Variants in ALG8 observed in about 807,000 individuals in gnomAD.
The protein encoded by ALG8 is ALG8 alpha-1,3-glucosyltransferase, also known as dolichyl pyrophosphate Glc1Man9GlcNAc2 alpha-1,3-glucosyltransferase.
A neutral mutation model predicts 70.2 loss-of-function variants in ALG8; 48 were observed. The ratio of observed to expected loss-of-function variants is 0.68; its 90% CI spans 0.54 to 0.87. The LOEUF (loss-of-function observed/expected upper bound fraction) is 0.87, where lower values mean the gene tolerates loss of function less well. Ranked by LOEUF, ALG8 falls within the 40% of genes least tolerant of loss-of-function variation. The pLI is 0.00. For missense variants in ALG8, 572 were observed against 608.7 expected, an observed-to-expected ratio of 0.94 and a Z score of 0.64; for synonymous variants, 234 against 229.0, an observed-to-expected ratio of 1.02 and a Z score of -0.20.
rs756243372 is a variant in ALG8 at position 78,121,097 on chromosome 11, A to T, written c.446T>A (p.Leu149His). 3 of 1,613,858 alleles carry T rather than the reference A, an allele frequency of 1.9e-6. No individual in the cohort carries two copies. In the Admixed American group the frequency reaches 5.0e-5, roughly 27 times the overall value. The change falls in exon 4 of 13, where the codon CTT (leucine) becomes CAT (histidine). Residue 149 changes from leucine (L) to histidine (H), a missense_variant. Transcript: ENST00000299626. ...EKPKFILSVL[L>H]LWNFGLLIVD... The stretch of plus-strand genomic sequence containing the variant: ...AATTAATAACCCGAAGTTCCACAGA[A>T]GTAATACCGACAGAATAAATTTTGG...
At chr11:78,102,444 T>C (rs1446054112) in intron 12 of ALG8, among the ~76,000 whole-genome samples, 1 of 152,244 alleles carries the variant, frequency 6.6e-6, no homozygotes, top group Non-Finnish European at 1.5e-5. Context: ...CACTTTATCA[T>C]GTATTTGTTG....
chr11:78,125,220 G>A (rs1245611972), intron 2 of ALG8, among the ~76,000 whole-genome samples: 1 of 151,674 alleles, frequency 6.6e-6, no homozygotes, highest in Non-Finnish European at 1.5e-5. Flanking sequence ...TTTTAGTAGA[G>A]ACGGGGTTTC....
chr11:78,130,115 G>T (rs1861238874), intron 1 of ALG8, among the ~76,000 whole-genome samples: 1 of 152,142 alleles, frequency 6.6e-6, no homozygotes, highest in Non-Finnish European at 1.5e-5. Context: ...ACTTCGGGAG[G>T]CCAAGGCGGG....
At position 78,114,090 on chromosome 11, in the gene ALG8, C is replaced by A. The variant is rs1477714487; in HGVS notation, c.674-101G>T. ...ACTAGAAGTATCCCACAATAGTATA[C>A]CAATCTATTCATGATGTGGCAAGAG... On this transcript the variant is annotated intron_variant, in intron 6 of 12. Transcript: ENST00000299626. 8.1e-6 allele frequency: 11 copies of A among 1,351,164 alleles called. No individual in the cohort carries two copies. In the Admixed American group the frequency reaches 1.8e-4, roughly 22 times the overall value. 83.7% of individuals were successfully genotyped at this position (1,351,164 alleles called of 1,614,324 possible).
intron 1 of ALG8, among the ~76,000 whole-genome samples, chr11:78,127,702 TTTTTC>T (rs1196984895): frequency 3.6e-5 from 5 of 139,090 alleles, no homozygotes; most frequent in Admixed American, 2.8e-4. Flanking sequence ...AGACTTTCTC[TTTTTC>T]TTTTCTTTTT....
At chr11:78,113,716 C>CA (rs1299736833) in intron 7 of ALG8, among the ~76,000 whole-genome samples, 170 bp downstream of exon 7, 178 of 11,832 alleles carry the variant, frequency 0.015, 2 homozygotes, top group African/African-American at 0.11. Context: ...CCATCTTAAA[C>CA]AAAAACAAAA....
chr11:78,102,154 C>A lies in ALG8; in HGVS notation c.1350-959G>T, dbSNP rs76684997. Among the ~76,000 whole-genome samples the A allele has an allele frequency of 4.5e-3, 679 of 152,196 alleles. 4 individuals are homozygous for A. The highest frequency in any genetic ancestry group is 0.016 in the African/African-American group (650 of 41,536). On this transcript the variant is annotated intron_variant, in intron 12 of 12. Transcript: ENST00000299626. The stretch of plus-strand genomic sequence containing the variant: ...TGGTATTAAGTAGATCAATAATATG[C>A]GCCCATCGCCACTATCCACCTTCAA...
At chr11:78,136,964 C>T (rs532565500) in intron 1 of ALG8, among the ~76,000 whole-genome samples, 85 of 151,766 alleles carry the variant, frequency 5.6e-4, no homozygotes, top group African/African-American at 1.8e-3. Flanking sequence ...TGCAATAGCG[C>T]GATCTCAGCT....
intron 5 of ALG8, among the ~76,000 whole-genome samples, chr11:78,115,994 A>G (rs1860544830): frequency 6.6e-6 from 1 of 152,244 alleles, no homozygotes; most frequent in Admixed American, 6.5e-5. Context: ...TAGCACTATC[A>G]GGCTGAAGGC....
At chr11:78,135,806 C>T (rs532459805) in intron 1 of ALG8, among the ~76,000 whole-genome samples, 18 of 151,210 alleles carry the variant, frequency 1.2e-4, no homozygotes, top group Non-Finnish European at 2.4e-4. Flanking sequence ...TGAGATTGTG[C>T]CACTACACTC....
At chr11:78,134,131 G>A (rs1214965011) in intron 1 of ALG8, among the ~76,000 whole-genome samples, 1 of 151,424 alleles carries the variant, frequency 6.6e-6, no homozygotes, top group Non-Finnish European at 1.5e-5. Flanking sequence ...GTGACTTGTG[G>A]CAAACTGGTT....
chr11:78,119,103 A>G, intron 5 of ALG8, 79 bp downstream of exon 5: 1 of 1,093,368 alleles, frequency 9.1e-7, no homozygotes, highest in South Asian at 1.3e-5. Context: ...AAATTTACCT[A>G]TCACCCACTA....
intron 5 of ALG8, among the ~76,000 whole-genome samples, chr11:78,118,070 CAAAAAAAAAA>C (rs10710282): frequency 2.9e-4 from 32 of 111,500 alleles, no homozygotes; most frequent in African/African-American, 1.1e-3. Flanking sequence ...GACTCCGTCT[CAAAAAAAAAA>C]AAAAAGAAAA....
chr11:78,104,577 C>A, intron 10 of ALG8, 124 bp from the exon 11 acceptor site: 1 of 874,774 alleles, frequency 1.1e-6, no homozygotes, highest in Non-Finnish European at 1.8e-6. Flanking sequence ...GATTTTGGCA[C>A]AAGTTCAATT....
intron 1 of ALG8, among the ~76,000 whole-genome samples, chr11:78,128,902 C>A (rs944282753): frequency 6.6e-6 from 1 of 151,862 alleles, no homozygotes; most frequent in African/African-American, 2.4e-5. Context: ...GCATGAGCCA[C>A]CATGCCTGGC....
At chr11:78,103,356 C>A (rs1383922291) in intron 12 of ALG8, 1 of 152,252 alleles carries the variant, frequency 6.6e-6, no homozygotes, top group African/African-American at 2.4e-5. Flanking sequence ...CTCAGCTACT[C>A]AGGAGGCTGA....
chr11:78,136,576 T>C (rs1044312133), intron 1 of ALG8, among the ~76,000 whole-genome samples: 3 of 152,194 alleles, frequency 2.0e-5, no homozygotes, highest in African/African-American at 7.2e-5. Context: ...GTCTCAACAG[T>C]GGGCTTATTC....
intron 1 of ALG8, among the ~76,000 whole-genome samples, chr11:78,136,619 T>A (rs535285076): frequency 6.6e-6 from 1 of 152,302 alleles, no homozygotes; most frequent in South Asian, 2.1e-4. Flanking sequence ...TGTGCTGTCA[T>A]CCAGGGCTTT....
At chr11:78,112,228 G>C (rs1257023403) in intron 8 of ALG8, among the ~76,000 whole-genome samples, 2 of 152,282 alleles carry the variant, frequency 1.3e-5, no homozygotes, top group South Asian at 4.1e-4. Flanking sequence ...AGTGCACTAT[G>C]ATCTCAACAC....
Sources: allele counts gnomAD v4.1 joint callset (sites outside exome capture counted in the v4.1 genomes callset), GRCh38; gene constraint gnomAD v4.1.1; transcripts MANE v1.5; gene names NCBI Gene and HGNC (gene_info 2026-07-23, HGNC 2026-07-21).